RERE: variants seen among roughly 807,000 people sequenced by gnomAD.
RERE encodes arginine-glutamic acid dipeptide repeats protein.
RERE carries 40 observed loss-of-function variants against 146.1 expected under a neutral mutation model. The observed-to-expected ratio is 0.27, with a 90% CI of 0.21 to 0.36. The LOEUF (loss-of-function observed/expected upper bound fraction) is 0.36. Ranked by LOEUF, RERE falls within the 10% of genes least tolerant of loss-of-function variation. RERE has a pLI of 1.00. For synonymous variants in RERE, 1,003 were observed against 866.0 expected, an observed-to-expected ratio of 1.16 and a Z score of -2.78; for missense variants, 1,933 against 2,138.7, an observed-to-expected ratio of 0.90 and a Z score of 1.90.
At chr1:8,721,245 G>C (rs1639858426) in intron 1 of RERE, among the ~76,000 whole-genome samples, 1 of 152,138 alleles carries the variant, frequency 6.6e-6, no homozygotes, top group Non-Finnish European at 1.5e-5. Flanking sequence ...CTGCAGGCCT[G>C]AACACAAGAT....
chr1:8,719,053 A>G (rs1410663404), intron 1 of RERE, among the ~76,000 whole-genome samples: 1 of 152,194 alleles, frequency 6.6e-6, no homozygotes, highest in East Asian at 1.9e-4. Flanking sequence ...ACATCACCCC[A>G]CTAAAAAAAA....
chr1:8,499,709 A>C (rs1164520052), intron 8 of RERE, among the ~76,000 whole-genome samples: 1 of 152,266 alleles, frequency 6.6e-6, no homozygotes, highest in Non-Finnish European at 1.5e-5. Context: ...ATGTGTATCA[A>C]GCTGACTTTC....
At chr1:8,665,392 C>T (rs1203819451) in intron 1 of RERE, among the ~76,000 whole-genome samples, 1 of 152,188 alleles carries the variant, frequency 6.6e-6, no homozygotes, top group African/African-American at 2.4e-5. Flanking sequence ...AACTCACTGC[C>T]TGGCACAGAA....
intron 8 of RERE, among the ~76,000 whole-genome samples, 170 bp from the exon 9 acceptor site, chr1:8,497,699 G>A (rs1361725334): frequency 2.6e-5 from 4 of 152,158 alleles, no homozygotes; most frequent in African/African-American, 9.7e-5. Context: ...TATTTCACAT[G>A]TCAGGATCAT....
chr1:8,569,148 C>T (rs999062639), intron 4 of RERE, among the ~76,000 whole-genome samples: 4 of 150,778 alleles, frequency 2.7e-5, no homozygotes, highest in African/African-American at 9.8e-5. Context: ...GGATTTCTCC[C>T]ATAAAGGAAG....
chr1:8,561,708 C>T (rs1426531138), intron 4 of RERE, among the ~76,000 whole-genome samples: 1 of 152,178 alleles, frequency 6.6e-6, no homozygotes, highest in Non-Finnish European at 1.5e-5. Flanking sequence ...TAAAATGTCA[C>T]CTTCAGTGGA....
At chr1:8,802,819 A>C (rs1159762101) in intron 1 of RERE, among the ~76,000 whole-genome samples, 1 of 152,224 alleles carries the variant, frequency 6.6e-6, no homozygotes, top group Admixed American at 6.5e-5. Flanking sequence ...CAAGAATCTA[A>C]AAGTTAAAAA....
Position 8,456,216 on chromosome 1 carries a change from AT to A in RERE, c.1203+9708del, listed in dbSNP as rs534935449. 8.5e-5 allele frequency among the ~76,000 whole-genome samples: 13 copies of A among 152,336 alleles called. No individual in the cohort carries two copies. The East Asian group carries it at 2.3e-3, about 27-fold the overall frequency. ...ATGACTCTTTTCATTAGGTGTTATAATTCAGAGCATGACATCTACAGTTTTA... is the reference window on the plus strand; with the variant it reads ...ATGACTCTTTTCATTAGGTGTTATAATCAGAGCATGACATCTACAGTTTTA... On this transcript the variant is annotated intron_variant, in intron 11 of 22. Coordinates refer to ENST00000400908, the MANE Select transcript of RERE (RefSeq NM_001042681.2).
intron 10 of RERE, among the ~76,000 whole-genome samples, chr1:8,476,882 GC>G (rs1420737596): frequency 3.3e-5 from 5 of 152,060 alleles, no homozygotes; most frequent in Admixed American, 6.5e-5. Flanking sequence ...TTTTTCAAAG[GC>G]AAAATATTAT....
At chr1:8,629,043 C>G (rs1191754707) in intron 2 of RERE, among the ~76,000 whole-genome samples, 1 of 152,146 alleles carries the variant, frequency 6.6e-6, no homozygotes, top group East Asian at 1.9e-4. Context: ...TGTAAAAACA[C>G]GTATTTACCA....
intron 2 of RERE, among the ~76,000 whole-genome samples, chr1:8,637,433 G>A (rs1647115899): frequency 6.6e-6 from 1 of 152,090 alleles, no homozygotes; most frequent in Admixed American, 6.6e-5. Context: ...GAGAATACAT[G>A]ACTGTTCTTC....
intron 1 of RERE, among the ~76,000 whole-genome samples, chr1:8,769,805 T>C (rs1180207174): frequency 6.6e-6 from 1 of 151,882 alleles, no homozygotes; most frequent in Non-Finnish European, 1.5e-5. Flanking sequence ...TTTTTATTTT[T>C]TGAGATGAAG....
chr1:8,376,664 A>G (rs1289366674), intron 12 of RERE, among the ~76,000 whole-genome samples: 1 of 152,244 alleles, frequency 6.6e-6, no homozygotes, highest in Non-Finnish European at 1.5e-5. Context: ...AAATGTGCCA[A>G]TAAGTGGCCT....
intron 1 of RERE, among the ~76,000 whole-genome samples, chr1:8,665,453 T>G (rs957721503): frequency 3.3e-5 from 5 of 152,182 alleles, no homozygotes; most frequent in Non-Finnish European, 7.3e-5. Flanking sequence ...CACACATACG[T>G]TGGATCAGTA....
intron 1 of RERE, among the ~76,000 whole-genome samples, chr1:8,744,782 T>C (rs1003819007): frequency 6.6e-6 from 1 of 152,156 alleles, no homozygotes; most frequent in African/African-American, 2.4e-5. Flanking sequence ...ATGTTCCCCA[T>C]ACAAAAAGAC....
intron 2 of RERE, among the ~76,000 whole-genome samples, chr1:8,646,100 C>G (rs538765919): frequency 1.5e-4 from 1 of 6,512 alleles, no homozygotes; most frequent in African/African-American, 9.9e-4. Context: ...AACAACAAAG[C>G]TCTCAAATGT....
intron 8 of RERE, among the ~76,000 whole-genome samples, chr1:8,501,344 A>C (rs867857880): frequency 0.017 from 825 of 47,916 alleles, 11 homozygotes; most frequent in African/African-American, 0.068. Flanking sequence ...GGGGGTCAGC[A>C]CCCCGCCCGG....
intron 1 of RERE, among the ~76,000 whole-genome samples, chr1:8,683,075 T>C (rs1639009430): frequency 6.8e-6 from 1 of 146,238 alleles, no homozygotes; most frequent in Non-Finnish European, 1.5e-5. Context: ...TCAAAAATTC[T>C]ATTAGTATAA....
intron 16 of RERE, 97 bp downstream of exon 16, chr1:8,362,586 A>C: frequency 6.8e-7 from 1 of 1,469,798 alleles, no homozygotes; most frequent in Non-Finnish European, 9.4e-7. Flanking sequence ...AATGAGCTGC[A>C]TCCTCGTGTC....
Sources: allele counts gnomAD v4.1 joint callset (sites outside exome capture counted in the v4.1 genomes callset), GRCh38; gene constraint gnomAD v4.1.1; transcripts MANE v1.5; gene names NCBI Gene and HGNC (gene_info 2026-07-23, HGNC 2026-07-21).